The following NRXN1 variants were observed in gnomAD, a reference collection of about 807,000 sequenced individuals.
NRXN1 encodes neurexin-1.
In NRXN1, 39 loss-of-function variants were observed where a neutral mutation model predicts 150.9. That is an observed-to-expected ratio of 0.26 (90% CI 0.20 to 0.34). The LOEUF (loss-of-function observed/expected upper bound fraction) is 0.34. Among genes scored for constraint, NRXN1 ranks in the 10% least tolerant of loss-of-function variants. NRXN1 has a pLI of 1.00. For synonymous variants in NRXN1, 924 were observed against 757.0 expected (o/e 1.22, Z -3.62); for missense variants, 1,815 against 1,949.9 (o/e 0.93, Z 1.30).
At chr2:50,320,283 C>CATATACATATATATATAT (rs2075921306) in intron 17 of NRXN1, among the ~76,000 whole-genome samples, 1 of 43,040 alleles carries the variant, frequency 2.3e-5, no homozygotes, top group African/African-American at 5.9e-5. Context: ...ATACCTCAAT[C>CATATACATATATATATAT]ATATATATAT....
intron 5 of NRXN1, among the ~76,000 whole-genome samples, chr2:50,646,541 G>A (rs1426938494): frequency 6.6e-6 from 1 of 151,700 alleles, no homozygotes; most frequent in Non-Finnish European, 1.5e-5. Context: ...CTCTTTGGCT[G>A]CAGATCTGAG....
chr2:49,939,061 T>C (rs1671522803), intron 22 of NRXN1, among the ~76,000 whole-genome samples: 1 of 152,216 alleles, frequency 6.6e-6, no homozygotes, highest in African/African-American at 2.4e-5. Flanking sequence ...TTGGAAAATA[T>C]GTGCGTGTGT....
chr2:50,007,073 T>C (rs895169327), intron 21 of NRXN1, among the ~76,000 whole-genome samples: 12 of 152,130 alleles, frequency 7.9e-5, no homozygotes, highest in Non-Finnish European at 1.3e-4. Context: ...CCAGGTACAG[T>C]GGCTCACACC....
At chr2:50,279,258 A>G (rs2071084806) in intron 17 of NRXN1, among the ~76,000 whole-genome samples, 1 of 152,208 alleles carries the variant, frequency 6.6e-6, no homozygotes, top group Admixed American at 6.5e-5. Flanking sequence ...CATCAAATTT[A>G]TAATAATATC....
intron 2 of NRXN1, among the ~76,000 whole-genome samples, chr2:50,968,002 T>C (rs938692461): frequency 3.3e-5 from 5 of 152,064 alleles, no homozygotes; most frequent in African/African-American, 1.2e-4. Flanking sequence ...TAACTTTTTA[T>C]TTTAGGATAT....
chr2:50,583,491 C>A (rs1672613595), intron 8 of NRXN1, among the ~76,000 whole-genome samples: 1 of 152,174 alleles, frequency 6.6e-6, no homozygotes, highest in South Asian at 2.1e-4. Flanking sequence ...TTGCATTTGT[C>A]TCCATACCTG....
chr2:50,363,180 G>A (rs1421293258), intron 17 of NRXN1, among the ~76,000 whole-genome samples: 1 of 152,174 alleles, frequency 6.6e-6, no homozygotes, highest in Non-Finnish European at 1.5e-5. Flanking sequence ...CATAGGCATG[G>A]ACAAAGACTG....
chr2:50,256,664 A>G (rs907906006), intron 17 of NRXN1, among the ~76,000 whole-genome samples: 1 of 152,070 alleles, frequency 6.6e-6, no homozygotes, highest in Non-Finnish European at 1.5e-5. Context: ...AGAACTTTTG[A>G]GTGTCAGCTG....
chr2:50,783,000 G>A (rs185387886), intron 5 of NRXN1, among the ~76,000 whole-genome samples: 1 of 152,112 alleles, frequency 6.6e-6, no homozygotes, highest in African/African-American at 2.4e-5. Context: ...CTGATAATGT[G>A]TAAAGAACCA....
At chr2:50,287,449 C>T (rs958490555) in intron 17 of NRXN1, among the ~76,000 whole-genome samples, 1 of 152,018 alleles carries the variant, frequency 6.6e-6, no homozygotes, top group African/African-American at 2.4e-5. Flanking sequence ...CATTTTAATG[C>T]TTTTGTTTTT....
At chr2:50,269,112 C>A (rs959838028) in intron 17 of NRXN1, among the ~76,000 whole-genome samples, 1 of 144,532 alleles carries the variant, frequency 6.9e-6, no homozygotes. Flanking sequence ...CAGACTTAGA[C>A]AGGGAAAGTG....
chr2:51,028,247 C>T lies in NRXN1; in HGVS notation c.27G>A (p.Gly9=). The T allele has an allele frequency of 2.0e-6, 3 of 1,463,830 alleles. No individual in the cohort carries two copies. Among genetic ancestry groups the T allele is most frequent in the African/African-American group, 1.4e-5 (1 of 70,772 alleles). 90.7% of individuals were successfully genotyped at this position (1,463,830 alleles called of 1,614,324 possible). MGTALLQR[G]GCFLLCLSLL... is the part of the protein sequence containing the mutation. ...GCGAGAGGCACAGAAGAAAACAGCC[C>T]CCGCGCTGGAGCAGCGCCGTCCCCA... is the stretch of plus-strand genomic sequence containing the variant. The change falls in exon 2 of 23, where the codon GGG becomes GGA. Residue 9 remains glycine, a synonymous_variant. Transcript: ENST00000401669.
intron 17 of NRXN1, among the ~76,000 whole-genome samples, chr2:50,353,390 T>C (rs10210826): frequency 0.011 from 1,652 of 152,220 alleles, 21 homozygotes; most frequent in African/African-American, 0.037. Flanking sequence ...TTTCTGTTGG[T>C]GACAAACACT....
intron 8 of NRXN1, among the ~76,000 whole-genome samples, chr2:50,579,629 G>A (rs1671956096): frequency 6.6e-6 from 1 of 152,170 alleles, no homozygotes; most frequent in African/African-American, 2.4e-5. Flanking sequence ...AGCCTAGGAA[G>A]ACCCTGTCTT....
chr2:50,120,379 C>G (rs1703695546), intron 18 of NRXN1, among the ~76,000 whole-genome samples: 1 of 152,032 alleles, frequency 6.6e-6, no homozygotes, highest in Admixed American at 6.6e-5. Flanking sequence ...CATATATTCT[C>G]AGGCAAAAAG....
chr2:50,891,507 T>C (rs1243667538), intron 5 of NRXN1, among the ~76,000 whole-genome samples: 1 of 152,114 alleles, frequency 6.6e-6, no homozygotes, highest in Non-Finnish European at 1.5e-5. Context: ...GAAAGTCTCA[T>C]TGACCTTGCT....
At chr2:50,774,636 T>C (rs1703389217) in intron 5 of NRXN1, among the ~76,000 whole-genome samples, 1 of 152,150 alleles carries the variant, frequency 6.6e-6, no homozygotes, top group South Asian at 2.1e-4. Context: ...AGACTATGCA[T>C]TTAATATGTA....
chr2:50,671,837 T>C (rs1341922665), intron 5 of NRXN1, among the ~76,000 whole-genome samples: 1 of 151,820 alleles, frequency 6.6e-6, no homozygotes, highest in Non-Finnish European at 1.5e-5. Flanking sequence ...CATAAAACTT[T>C]AGAGAACAAT....
rs551354433 is a variant in NRXN1 at position 50,946,881 on chromosome 2, T to A, written c.773-20926A>T. On this transcript the variant is annotated intron_variant, in intron 2 of 22. Transcript: ENST00000401669. ...CTATTAAATCCAAACATTTGTTGCTTTTGCTGAATATTGCTTAAACTGTCC... is the reference window on the plus strand; with the variant it reads ...CTATTAAATCCAAACATTTGTTGCTATTGCTGAATATTGCTTAAACTGTCC... Among the ~76,000 whole-genome samples the A allele has an allele frequency of 7.9e-5, 12 of 152,292 alleles. No homozygotes were observed. The South Asian group carries it at 2.1e-3, about 26-fold the overall frequency.
Sources: allele counts gnomAD v4.1 joint callset (sites outside exome capture counted in the v4.1 genomes callset), GRCh38; gene constraint gnomAD v4.1.1; transcripts MANE v1.5; gene names NCBI Gene and HGNC (gene_info 2026-07-23, HGNC 2026-07-21).